The following LRRC4C variants were observed in gnomAD, a reference collection of about 807,000 sequenced individuals.
The protein encoded by LRRC4C is leucine-rich repeat-containing protein 4C.
A neutral mutation model predicts 33.6 loss-of-function variants in LRRC4C; 5 were observed. That is an observed-to-expected ratio of 0.15 (90% CI 0.08 to 0.31). The LOEUF is 0.31. Ranked by LOEUF, LRRC4C falls within the 10% of genes least tolerant of loss-of-function variation. The pLI is 1.00. For missense variants in LRRC4C, 560 were observed against 796.7 expected (o/e 0.70, Z 3.58); for synonymous variants, 329 against 302.0 (o/e 1.09, Z -0.93).
In LRRC4C at chr11:40,736,875, G is replaced by C. The variant is rs58034007; in HGVS notation, c.-406-88597C>G. On this transcript the variant is annotated intron_variant, in intron 2 of 6. Transcript: ENST00000528697. ...TGATGCGGTTGTTTTTTTTTTTTTT[G>C]TAAATTTGTTCAAGTTCTTTGTATA... Among the ~76,000 whole-genome samples, 724 of 103,076 alleles carry C rather than the reference G, an allele frequency of 7.0e-3. 9 individuals carry two copies. Among genetic ancestry groups the C allele is most frequent in the African/African-American group, 0.025 (674 of 27,390 alleles). 67.6% of individuals were successfully genotyped at this position (103,076 alleles called of 152,430 possible). A position where few individuals can be genotyped will look rare whatever the true frequency, so the allele number is the denominator to read the frequency against.
chr11:41,093,675 G>C (rs1023332561), intron 1 of LRRC4C, among the ~76,000 whole-genome samples: 13 of 151,722 alleles, frequency 8.6e-5, no homozygotes, highest in African/African-American at 3.1e-4. Context: ...CCTCTTACTG[G>C]GTTCCCCATT....
intron 1 of LRRC4C, among the ~76,000 whole-genome samples, chr11:41,433,976 G>A (rs139575334): frequency 2.0e-5 from 3 of 152,060 alleles, no homozygotes; most frequent in African/African-American, 4.8e-5. Context: ...AGGCAAACCC[G>A]ATTCAAGCAT....
At chr11:41,283,683 A>G (rs1476138961) in intron 1 of LRRC4C, among the ~76,000 whole-genome samples, 3 of 152,204 alleles carry the variant, frequency 2.0e-5, no homozygotes, top group Non-Finnish European at 2.9e-5. Context: ...TAGTTGTGCC[A>G]GAGACCATAA....
intron 1 of LRRC4C, among the ~76,000 whole-genome samples, chr11:40,993,420 T>C (rs1250620945): frequency 6.6e-6 from 1 of 152,172 alleles, no homozygotes; most frequent in African/African-American, 2.4e-5. Context: ...AGAAAAGTTC[T>C]AGTGGAGTTA....
At chr11:41,207,269 G>T (rs2136294799) in intron 1 of LRRC4C, among the ~76,000 whole-genome samples, 1 of 152,150 alleles carries the variant, frequency 6.6e-6, no homozygotes, top group East Asian at 1.9e-4. Context: ...CCATGTTCTG[G>T]GGTAATGTCT....
intron 2 of LRRC4C, among the ~76,000 whole-genome samples, chr11:40,887,535 T>C (rs1310219354): frequency 6.6e-6 from 1 of 152,050 alleles, no homozygotes; most frequent in East Asian, 1.9e-4. Flanking sequence ...TGACCCACTT[T>C]GAACTTGTGG....
intron 3 of LRRC4C, among the ~76,000 whole-genome samples, chr11:40,544,464 T>A (rs1435915124): frequency 2.0e-5 from 3 of 152,090 alleles, no homozygotes; most frequent in Non-Finnish European, 4.4e-5. Flanking sequence ...ACCTACTTCA[T>A]TGATTGCAGA....
At chr11:40,603,892 C>G (rs1213689881) in intron 3 of LRRC4C, among the ~76,000 whole-genome samples, 1 of 152,106 alleles carries the variant, frequency 6.6e-6, no homozygotes, top group Non-Finnish European at 1.5e-5. Context: ...TTCCAAAAAT[C>G]TGGTAGAATA....
intron 6 of LRRC4C, among the ~76,000 whole-genome samples, chr11:40,119,808 C>T (rs1855696289): frequency 1.3e-5 from 2 of 152,114 alleles, no homozygotes; most frequent in Admixed American, 1.3e-4. Flanking sequence ...TGCAAACCAG[C>T]CAATCCAAAG....
At chr11:40,528,325 G>A (rs1004532415) in intron 3 of LRRC4C, among the ~76,000 whole-genome samples, 4 of 151,832 alleles carry the variant, frequency 2.6e-5, no homozygotes, top group African/African-American at 7.3e-5. Context: ...CCTATAACTC[G>A]ATAGCAAAAC....
intron 2 of LRRC4C, among the ~76,000 whole-genome samples, chr11:40,906,106 C>A (rs1421679802): frequency 2.0e-5 from 3 of 152,220 alleles, no homozygotes; most frequent in Non-Finnish European, 4.4e-5. Flanking sequence ...AAACTCTCCA[C>A]CAGCAACAAG....
rs747563305 is a variant in LRRC4C at position 40,115,297 on chromosome 11, A to C, written c.996T>G (p.Thr332=). 5 of 1,613,940 alleles carry C rather than the reference A, an allele frequency of 3.1e-6. No homozygotes were observed. In the African/African-American group the frequency reaches 6.7e-5, roughly 22 times the overall value. Residue 332 remains threonine (T), a synonymous_variant, in exon 7 of 7, where the codon ACT becomes ACG. Coordinates refer to ENST00000528697, the MANE Select transcript of LRRC4C (RefSeq NM_001258419.2). The surrounding 1 kb of genome is among the most constrained non-coding windows in gnomAD (Gnocchi z 6.7). ...SNTACCARCN[T]PPNLKGRYIG... Reference sequence around the variant, plus strand: ...TGTACCTCCCCTTTAGATTGGGAGGAGTGTTACACCGGGCACAACAAGCTG... The same window carrying C: ...TGTACCTCCCCTTTAGATTGGGAGGCGTGTTACACCGGGCACAACAAGCTG...
At chr11:40,408,368 G>T (rs914798420) in intron 3 of LRRC4C, among the ~76,000 whole-genome samples, 1 of 151,860 alleles carries the variant, frequency 6.6e-6, no homozygotes, top group Non-Finnish European at 1.5e-5. Flanking sequence ...TTTTGGAAAA[G>T]CCTATGTTTA....
intron 2 of LRRC4C, among the ~76,000 whole-genome samples, chr11:40,764,084 A>G (rs1181108319): frequency 6.6e-6 from 1 of 152,104 alleles, no homozygotes; most frequent in Non-Finnish European, 1.5e-5. Flanking sequence ...GAGAAGGAAG[A>G]GTGGGGAGGA....
At chr11:41,307,680 C>T (rs948727381) in intron 1 of LRRC4C, among the ~76,000 whole-genome samples, 4 of 152,270 alleles carry the variant, frequency 2.6e-5, no homozygotes, top group Non-Finnish European at 5.9e-5. Context: ...AGGGGAGCCA[C>T]CCTTCCAAAA....
chr11:40,192,398 C>T (rs1464202081), intron 5 of LRRC4C, among the ~76,000 whole-genome samples: 3 of 152,176 alleles, frequency 2.0e-5, no homozygotes, highest in Admixed American at 2.0e-4. Flanking sequence ...CAAGGGCAGC[C>T]ATGAGGGACG....
rs373634712 is a variant in LRRC4C at position 41,034,488 on chromosome 11, T to TAC, written c.-495-100767_-495-100766dup. 3.7e-3 allele frequency among the ~76,000 whole-genome samples: 539 copies of TAC among 145,976 alleles called. 2 individuals carry two copies. The highest frequency in any genetic ancestry group is 0.011 in the Middle Eastern group (3 of 276). On this transcript the variant is annotated intron_variant, in intron 1 of 6. Transcript: ENST00000528697. ...ATATATATGTGTGTATATATATATA[T>TAC]ACACATATATATACAAAATATATGT...
intron 3 of LRRC4C, among the ~76,000 whole-genome samples, chr11:40,325,254 AT>A (rs1357026964): frequency 1.3e-5 from 2 of 152,220 alleles, no homozygotes; most frequent in Non-Finnish European, 2.9e-5. Flanking sequence ...TGTTCAACTT[AT>A]TAGAAACTAC....
chr11:40,830,482 A>C (rs2135541392), intron 2 of LRRC4C, among the ~76,000 whole-genome samples: 1 of 152,212 alleles, frequency 6.6e-6, no homozygotes, highest in South Asian at 2.1e-4. Context: ...ACAAAGAGTA[A>C]GTGGTTAGAG....
Sources: allele counts gnomAD v4.1 joint callset (sites outside exome capture counted in the v4.1 genomes callset), GRCh38; gene constraint gnomAD v4.1.1; non-coding constraint Gnocchi (gnomAD v3.1); transcripts MANE v1.5; gene names NCBI Gene and HGNC (gene_info 2026-07-23, HGNC 2026-07-21).